SUCLG2: variants seen among roughly 807,000 people sequenced by gnomAD.
The protein encoded by SUCLG2 is succinate--CoA ligase [GDP-forming] subunit beta, mitochondrial.
A neutral mutation model predicts 47.9 loss-of-function variants in SUCLG2; 42 were observed. The ratio of observed to expected loss-of-function variants is 0.88; its 90% CI spans 0.69 to 1.14. The LOEUF (loss-of-function observed/expected upper bound fraction) is 1.14, where lower values mean the gene tolerates loss of function less well. SUCLG2 is among the 50% of genes most tolerant of loss of function. The pLI is 0.00. For missense variants in SUCLG2, 571 were observed against 525.9 expected, an observed-to-expected ratio of 1.09 and a Z score of -0.84; for synonymous variants, 195 against 197.3, an observed-to-expected ratio of 0.99 and a Z score of 0.10.
chr3:67,443,204 G>A (rs1703816782), intron 9 of SUCLG2, among the ~76,000 whole-genome samples: 2 of 152,146 alleles, frequency 1.3e-5, no homozygotes, highest in South Asian at 4.1e-4. Flanking sequence ...AGGGACTTGA[G>A]CATGTGCTGA....
At chr3:67,556,166 C>T (rs1000207564) in intron 2 of SUCLG2, among the ~76,000 whole-genome samples, 3 of 152,134 alleles carry the variant, frequency 2.0e-5, no homozygotes, top group Non-Finnish European at 4.4e-5. Context: ...ATCCAATAGA[C>T]ATGATAACTA....
At chr3:67,603,389 C>T (rs1005321545) in intron 2 of SUCLG2, among the ~76,000 whole-genome samples, 1 of 152,170 alleles carries the variant, frequency 6.6e-6, no homozygotes, top group Non-Finnish European at 1.5e-5. Context: ...ACATCAAATA[C>T]AATTCCTTAA....
intron 9 of SUCLG2, among the ~76,000 whole-genome samples, chr3:67,456,363 T>A (rs1355916168): frequency 6.6e-6 from 1 of 152,162 alleles, no homozygotes; most frequent in East Asian, 1.9e-4. Flanking sequence ...AAAAAATAGG[T>A]CCCTCTATGG....
At chr3:67,374,026 G>T (rs1276923184), downstream of SUCLG2, among the ~76,000 whole-genome samples, 1 of 152,122 alleles carries the variant, frequency 6.6e-6, no homozygotes, top group African/African-American at 2.4e-5. Flanking sequence ...TGGGTTGACT[G>T]GAAACATCAA....
At chr3:67,490,515 A>C (rs2107043589) in intron 9 of SUCLG2, among the ~76,000 whole-genome samples, 1 of 152,284 alleles carries the variant, frequency 6.6e-6, no homozygotes, top group East Asian at 1.9e-4. Context: ...TGGTTGTCTG[A>C]GTAGAGAATC....
intron 2 of SUCLG2, among the ~76,000 whole-genome samples, chr3:67,592,082 T>C (rs751534084): frequency 2.0e-5 from 3 of 152,220 alleles, no homozygotes; most frequent in South Asian, 2.1e-4. Context: ...TCAAGAAATA[T>C]GATTAGTTCC....
At chr3:67,547,968 T>G (rs773266155) in intron 2 of SUCLG2, among the ~76,000 whole-genome samples, 1 of 152,172 alleles carries the variant, frequency 6.6e-6, no homozygotes, top group African/African-American at 2.4e-5. Flanking sequence ...CAAAATCGCC[T>G]CATTCTCCTG....
chr3:67,610,508 GA>G (rs796945028), intron 1 of SUCLG2, among the ~76,000 whole-genome samples: 1,300 of 124,222 alleles, frequency 0.01, 4 homozygotes, highest in Middle Eastern at 0.02. Context: ...TTAAAAGAAG[GA>G]AAAAAAAAAA....
intron 9 of SUCLG2, among the ~76,000 whole-genome samples, chr3:67,433,383 G>T (rs1036700881): frequency 2.0e-5 from 3 of 152,034 alleles, no homozygotes; most frequent in Non-Finnish European, 4.4e-5. Flanking sequence ...GCTTGCAATT[G>T]GCTGAAAGGA....
chr3:67,595,268 A>G (rs1399595950), intron 2 of SUCLG2, among the ~76,000 whole-genome samples: 1 of 152,194 alleles, frequency 6.6e-6, no homozygotes, highest in East Asian at 1.9e-4. Context: ...GTGTGTTTCT[A>G]TATTGAGAAT....
chr3:67,517,165 AAGTGAGC>A (rs1705966147), intron 6 of SUCLG2, among the ~76,000 whole-genome samples: 1 of 152,162 alleles, frequency 6.6e-6, no homozygotes, highest in South Asian at 2.1e-4. Context: ...TTTGCTTTCA[AAGTGAGC>A]CTTTATTCAT....
chr3:67,466,018 GAC>G lies in SUCLG2; in HGVS notation c.1062+29778_1062+29779del, dbSNP rs1704460746. Among the ~76,000 whole-genome samples the G allele has an allele frequency of 3.3e-5, 5 of 152,186 alleles. No homozygotes were observed. The South Asian group carries it at 8.3e-4, about 25-fold the overall frequency. On this transcript the variant is annotated intron_variant, in intron 9 of 10. Transcript: ENST00000307227. ...TCTCACCAAGCAGTACTCTTTTAAT[GAC>G]ACACACAGCCCTTACGTTGTATCTG... is the stretch of plus-strand genomic sequence containing the variant.
chr3:67,603,040 C>T (rs929166623), intron 2 of SUCLG2, among the ~76,000 whole-genome samples: 1 of 152,134 alleles, frequency 6.6e-6, no homozygotes, highest in African/African-American at 2.4e-5. Flanking sequence ...CACTGTTATT[C>T]CTAGAAAGCA....
intron 7 of SUCLG2, among the ~76,000 whole-genome samples, chr3:67,504,274 G>C (rs1705580612): frequency 6.6e-6 from 1 of 151,942 alleles, no homozygotes; most frequent in African/African-American, 2.4e-5. Context: ...GGGAGGTAGA[G>C]AACCGAAAAT....
At position 67,465,166 on chromosome 3, in the gene SUCLG2, T is replaced by C. The variant is rs573768620; in HGVS notation, c.1062+30632A>G. ...GTCTCCAACTAGTCTCTGTTTTCTC[T>C]TCCTTTTCCACAATGCGTACTCCTA... On this transcript the variant is annotated intron_variant, in intron 9 of 10. Coordinates refer to ENST00000307227, the MANE Select transcript of SUCLG2 (RefSeq NM_003848.4). Among the ~76,000 whole-genome samples the C allele has an allele frequency of 4.0e-4, 61 of 152,312 alleles. 3 individuals are homozygous for C. The highest frequency in any genetic ancestry group is 2.9e-3 in the South Asian group (14 of 4,826).
chr3:67,361,032 C>T (rs921954543), intron 10 of SUCLG2, among the ~76,000 whole-genome samples: 11 of 152,214 alleles, frequency 7.2e-5, no homozygotes, highest in East Asian at 5.8e-4. Flanking sequence ...AAGTGTCCTA[C>T]GTCCAGATAG....
intron 1 of SUCLG2, among the ~76,000 whole-genome samples, chr3:67,638,143 T>C (rs1222989838): frequency 1.3e-5 from 2 of 152,232 alleles, no homozygotes; most frequent in African/African-American, 2.4e-5. Context: ...CTCTATTATT[T>C]ACAAGTTGGA....
intron 1 of SUCLG2, among the ~76,000 whole-genome samples, chr3:67,631,905 G>A (rs1700932535): frequency 6.6e-6 from 1 of 151,764 alleles, no homozygotes; most frequent in Admixed American, 6.5e-5. Flanking sequence ...AGGACACAAT[G>A]ACCCTCGATC....
rs542731366 is a variant in SUCLG2, at chr3:67,422,809, G to C, written c.1063-21958C>G. Reference sequence around the variant, plus strand: ...TCTTACTAAAGGGTGGGCAACTGACGGATAGGGCATCTGTATCATTTACAC... The same window carrying C: ...TCTTACTAAAGGGTGGGCAACTGACCGATAGGGCATCTGTATCATTTACAC... On this transcript the variant is annotated intron_variant, in intron 9 of 10. Coordinates refer to ENST00000307227, the MANE Select transcript of SUCLG2 (RefSeq NM_003848.4). Among the ~76,000 whole-genome samples the C allele has an allele frequency of 2.0e-5, 3 of 152,202 alleles. No individual in the cohort carries two copies. In the East Asian group the frequency reaches 5.8e-4, roughly 29 times the overall value.
Sources: allele counts gnomAD v4.1 joint callset (sites outside exome capture counted in the v4.1 genomes callset), GRCh38; gene constraint gnomAD v4.1.1; transcripts MANE v1.5; gene names NCBI Gene and HGNC (gene_info 2026-07-23, HGNC 2026-07-21).